PLPPR5: variants seen among roughly 807,000 people sequenced by gnomAD.
The protein encoded by PLPPR5 is phospholipid phosphatase related 5, also known as phospholipid phosphatase-related protein type 5.
PLPPR5 carries 16 observed loss-of-function variants against 33.9 expected under a neutral mutation model. The ratio of observed to expected loss-of-function variants is 0.47; its 90% CI spans 0.32 to 0.72. The LOEUF (loss-of-function observed/expected upper bound fraction) is 0.72, where lower values mean the gene tolerates loss of function less well. Ranked by LOEUF, PLPPR5 falls within the 30% of genes least tolerant of loss-of-function variation. The pLI is 0.03. For synonymous variants in PLPPR5, 163 were observed against 150.3 expected (o/e 1.08, Z -0.62); for missense variants, 301 against 406.7 (o/e 0.74, Z 2.23).
chr1:98,942,518 A>T (rs1650413198), intron 3 of PLPPR5, among the ~76,000 whole-genome samples: 1 of 152,146 alleles, frequency 6.6e-6, no homozygotes, highest in Non-Finnish European at 1.5e-5. Context: ...CACAGAGGTA[A>T]ATTTCTCTAA....
At chr1:98,997,186 T>C (rs925926629) in intron 1 of PLPPR5, among the ~76,000 whole-genome samples, 5 of 152,190 alleles carry the variant, frequency 3.3e-5, no homozygotes, top group African/African-American at 4.8e-5. Flanking sequence ...ACTTAGTGCA[T>C]GTAAACATTT....
At chr1:98,991,898 T>C (rs1053935214) in intron 1 of PLPPR5, among the ~76,000 whole-genome samples, 1 of 152,178 alleles carries the variant, frequency 6.6e-6, no homozygotes, top group Non-Finnish European at 1.5e-5. Flanking sequence ...TTATAGCTAG[T>C]AAGCAGCAGA....
chr1:98,979,540 G>A (rs1304139404), intron 1 of PLPPR5, among the ~76,000 whole-genome samples: 1 of 152,028 alleles, frequency 6.6e-6, no homozygotes, highest in Non-Finnish European at 1.5e-5. Flanking sequence ...TTCTGTATTA[G>A]CAAATGTAAG....
Position 98,956,673 on chromosome 1 carries a change from T to C in PLPPR5, c.306A>G (p.Lys102=), listed in dbSNP as rs551499991. ...LATRDFENQE[K]TILTGDCCYI... is the part of the protein sequence containing the mutation. ...AGCAACAGTCTCCAGTTAAAATAGT[T>C]TTTTCCTGGTTTTCAAAATCCCTTG... The change falls in exon 2 of 6, where the codon AAA becomes AAG. Residue 102 remains lysine (K), a synonymous_variant. Transcript: ENST00000263177. 5.6e-6 allele frequency: 9 copies of C among 1,601,924 alleles called. No homozygotes were observed. The highest frequency in any genetic ancestry group is 2.7e-5 in the African/African-American group (2 of 74,218).
chr1:98,922,080 A>AG (rs397816330), intron 3 of PLPPR5, 22 bp from the exon 4 acceptor site: 1 of 1,607,290 alleles, frequency 6.2e-7, no homozygotes, highest in Non-Finnish European at 8.5e-7. Flanking sequence ...AATAAAAAAA[A>AG]TGACTTTTCA....
intron 3 of PLPPR5, among the ~76,000 whole-genome samples, chr1:98,934,516 G>T (rs1420558222): frequency 6.6e-6 from 1 of 152,184 alleles, no homozygotes; most frequent in Non-Finnish European, 1.5e-5. Context: ...TATTTATGGT[G>T]TCTTTCCCAT....
intron 3 of PLPPR5, among the ~76,000 whole-genome samples, chr1:98,928,431 C>T (rs979099007): frequency 3.3e-5 from 5 of 150,180 alleles, no homozygotes; most frequent in Non-Finnish European, 7.4e-5. Flanking sequence ...TATCTTATTA[C>T]TAACTTATAT....
chr1:98,902,532 G>A (rs1318614485), intron 5 of PLPPR5, among the ~76,000 whole-genome samples: 1 of 152,014 alleles, frequency 6.6e-6, no homozygotes, highest in Non-Finnish European at 1.5e-5. Flanking sequence ...ACTGTGAATT[G>A]AGTCATTGCT....
At chr1:98,904,064 T>A (rs1336962166) in intron 5 of PLPPR5, among the ~76,000 whole-genome samples, 1 of 152,164 alleles carries the variant, frequency 6.6e-6, no homozygotes, top group African/African-American at 2.4e-5. Context: ...TTTTCATCTG[T>A]AATAGTACAT....
intron 2 of PLPPR5, 24 bp from the exon 3 acceptor site, chr1:98,953,344 T>C: frequency 6.2e-7 from 1 of 1,600,132 alleles, no homozygotes; most frequent in Non-Finnish European, 8.5e-7. Flanking sequence ...CAAATAATTT[T>C]AACTTCTTGC....
intron 1 of PLPPR5, among the ~76,000 whole-genome samples, chr1:98,968,925 T>C (rs569881694): frequency 2.6e-5 from 4 of 152,180 alleles, no homozygotes; most frequent in African/African-American, 9.6e-5. Context: ...GACATTATAA[T>C]ATTTGATTAT....
chr1:98,956,655 G>A lies in PLPPR5; in HGVS notation c.324C>T (p.Asp108=), dbSNP rs1429476946. 1 of 1,602,922 alleles carries A rather than the reference G, an allele frequency of 6.2e-7. No individual in the cohort carries two copies. Among genetic ancestry groups the A allele is most frequent in the Non-Finnish European group, 8.5e-7 (1 of 1,176,048 alleles). ...GCACCAGCGGGTTTATATAGCAACA[G>A]TCTCCAGTTAAAATAGTTTTTTCCT... is the stretch of plus-strand genomic sequence containing the variant. ...ENQEKTILTG[D]CCYINPLVRR... The change falls in exon 2 of 6, where the codon GAC becomes GAT. Residue 108 remains aspartate (D), a synonymous_variant. Transcript: ENST00000263177.
chr1:98,953,795 T>G (rs932784136), intron 2 of PLPPR5, among the ~76,000 whole-genome samples: 9 of 152,220 alleles, frequency 5.9e-5, no homozygotes, highest in Non-Finnish European at 1.3e-4. Flanking sequence ...ATGTTAACGC[T>G]GCTGGAGGTG....
In PLPPR5 at chr1:99,004,753, A is replaced by C; in HGVS notation, c.-82T>G. On this transcript the variant is annotated 5_prime_UTR_variant, in exon 1 of 6. Coordinates refer to ENST00000263177, the MANE Select transcript of PLPPR5 (RefSeq NM_001037317.2). ...CCCTCCCCGGTCCGCCGAGGCAGCCACCGGGGGCGCGGCGGCGGAGGCGGC... is the reference window on the plus strand; with the variant it reads ...CCCTCCCCGGTCCGCCGAGGCAGCCCCCGGGGGCGCGGCGGCGGAGGCGGC... 2 of 951,788 alleles carry C rather than the reference A, an allele frequency of 2.1e-6. No individual in the cohort carries two copies. Among genetic ancestry groups the C allele is most frequent in the Non-Finnish European group, 2.7e-6 (2 of 731,934 alleles). 59.0% of individuals were successfully genotyped at this position (951,788 alleles called of 1,614,324 possible). A position where few individuals can be genotyped will look rare whatever the true frequency, so the allele number is the denominator to read the frequency against.
intron 3 of PLPPR5, among the ~76,000 whole-genome samples, chr1:98,930,253 A>G (rs2101174701): frequency 6.6e-6 from 1 of 152,358 alleles, no homozygotes; most frequent in South Asian, 2.1e-4. Flanking sequence ...TAATAGTATA[A>G]CAATAAAAGC....
rs1449749504 is a variant in PLPPR5, at chr1:98,939,177, T to C, written c.621+13893A>G. ...AATTTTTTAAATTTAACCATGCATA[T>C]ATAGTATATTTTAAAAATATACTTT... On this transcript the variant is annotated intron_variant, in intron 3 of 5. Transcript: ENST00000263177. Among the ~76,000 whole-genome samples, 3 of 151,640 alleles carry C rather than the reference T, an allele frequency of 2.0e-5. No homozygotes were observed. In the South Asian group the frequency reaches 6.2e-4, roughly 31 times the overall value.
intron 1 of PLPPR5, among the ~76,000 whole-genome samples, chr1:98,993,870 C>A (rs1168830288): frequency 6.6e-6 from 1 of 152,020 alleles, no homozygotes; most frequent in Non-Finnish European, 1.5e-5. Flanking sequence ...GATCACTGCA[C>A]TAGAACACAA....
At chr1:98,933,196 A>ATT (rs1557674458) in intron 3 of PLPPR5, among the ~76,000 whole-genome samples, 92 of 148,580 alleles carry the variant, frequency 6.2e-4, no homozygotes, top group Middle Eastern at 3.4e-3. Context: ...GGCTTTTTAA[A>ATT]AAAAAAAAAA....
At chr1:98,893,459 G>T (rs1194776353) in intron 5 of PLPPR5, among the ~76,000 whole-genome samples, 5 of 151,922 alleles carry the variant, frequency 3.3e-5, no homozygotes. Context: ...TGCTCCCTGA[G>T]AGACAGATGG....
Sources: gnomAD v4.1 joint callset for allele counts (sites outside exome capture counted in the v4.1 genomes callset) on GRCh38, gnomAD v4.1.1 for gene constraint, MANE v1.5 for transcripts, NCBI Gene and HGNC (gene_info 2026-07-23, HGNC 2026-07-21) for gene names.